MREG: variants seen among roughly 807,000 people sequenced by gnomAD.
MREG encodes the protein melanoregulin, also known as dilute suppressor protein homolog.
In MREG, 31 loss-of-function variants were observed where a neutral mutation model predicts 28.5. The ratio of observed to expected loss-of-function variants is 1.09; its 90% CI spans 0.82 to 1.47. The LOEUF (loss-of-function observed/expected upper bound fraction) is 1.47, where lower values mean the gene tolerates loss of function less well. Among genes scored for constraint, MREG ranks in the 40% most tolerant of loss-of-function variants. The pLI is 0.00. For missense variants in MREG, 256 were observed against 257.4 expected (o/e 0.99, Z 0.04); for synonymous variants, 106 against 95.2 (o/e 1.11, Z -0.66).
At chr2:215,961,448 C>T (rs1692787527) in intron 2 of MREG, among the ~76,000 whole-genome samples, 1 of 151,966 alleles carries the variant, frequency 6.6e-6, no homozygotes, top group Admixed American at 6.6e-5. Context: ...TTTTTTGAGA[C>T]AGTGTCTTGC....
In MREG at chr2:216,013,283, C is replaced by G; in HGVS notation, c.45G>C (p.Gly15=). The G allele has an allele frequency of 6.5e-7, 1 of 1,544,026 alleles. No individual in the cohort carries two copies. Among genetic ancestry groups the G allele is most frequent in the Non-Finnish European group, 8.8e-7 (1 of 1,141,862 alleles). ...DWLRTVCCCC[G]CECLEERALP... is the part of the protein sequence containing the mutation. ...GGGCGCGCTCCTCCAAGCACTCGCA[C>G]CCGCAGCAGCAGCACACGGTTCTCA... Residue 15 remains glycine, a synonymous_variant, in exon 1 of 5, where the codon GGG becomes GGC. Transcript: ENST00000263268.
chr2:215,975,980 C>T (rs1334807272), intron 2 of MREG, among the ~76,000 whole-genome samples: 3 of 151,880 alleles, frequency 2.0e-5, no homozygotes, highest in Admixed American at 6.6e-5. Flanking sequence ...CAGCTACTCG[C>T]GGGGGGCGTG....
Position 215,978,635 on chromosome 2 carries a change from T to C in MREG, c.255+17671A>G, listed in dbSNP as rs894224608. Among the ~76,000 whole-genome samples, 7 of 152,332 alleles carry C rather than the reference T, an allele frequency of 4.6e-5. No individual in the cohort carries two copies. In the East Asian group the frequency reaches 1.3e-3, roughly 29 times the overall value. On this transcript the variant is annotated intron_variant, in intron 2 of 4. Coordinates refer to ENST00000263268, the MANE Select transcript of MREG (RefSeq NM_018000.3). The stretch of plus-strand genomic sequence containing the variant: ...TGAATATCGATGCAAAAATTCTCAA[T>C]AAAATACTGGCAAACCGAATCCAGC...
Position 216,013,324 on chromosome 2 carries a change from C to T in MREG, c.4G>A (p.Gly2Arg). 1.3e-6 allele frequency: 2 copies of T among 1,532,090 alleles called. No homozygotes were observed. The highest frequency in any genetic ancestry group is 1.2e-5 in the South Asian group (1 of 82,636). 94.9% of individuals were successfully genotyped at this position (1,532,090 alleles called of 1,614,324 possible). A position where few individuals can be genotyped will look rare whatever the true frequency, so the allele number is the denominator to read the frequency against. M[G>R]LRDWLRTVCC... is the part of the protein sequence containing the mutation. ...ACGGTTCTCAGCCAGTCCCTCAGCC[C>T]CATGGAGAGCGAGGGCCCCCACCGG... The change falls in exon 1 of 5, where the codon GGG becomes AGG. Residue 2 changes from glycine (G) to arginine (R), a missense_variant. Physicochemically the swap from Gly to Arg is moderately radical, Grantham distance 125. Coordinates refer to ENST00000263268, the MANE Select transcript of MREG (RefSeq NM_018000.3).
chr2:215,939,805 A>C (rs1692174891), downstream of MREG, among the ~76,000 whole-genome samples: 1 of 152,242 alleles, frequency 6.6e-6, no homozygotes, highest in African/African-American at 2.4e-5. Context: ...TTCAAATGCT[A>C]ACTATATGTC....
At chr2:216,027,912 CAA>C (rs1694620506) in intron 1 of MREG, among the ~76,000 whole-genome samples, 1 of 152,088 alleles carries the variant, frequency 6.6e-6, no homozygotes, top group African/African-American at 2.4e-5. Flanking sequence ...AATAAATTTT[CAA>C]AGACACTAAA....
chr2:216,010,269 C>A (rs568387135), intron 1 of MREG, among the ~76,000 whole-genome samples: 2 of 152,246 alleles, frequency 1.3e-5, no homozygotes, highest in East Asian at 1.9e-4. Context: ...ATGATTCTCC[C>A]CTACACCCTT....
At chr2:216,006,924 G>A (rs767819711) in intron 1 of MREG, among the ~76,000 whole-genome samples, 5 of 152,076 alleles carry the variant, frequency 3.3e-5, no homozygotes, top group Non-Finnish European at 7.3e-5. Context: ...CTGGACCCTG[G>A]GCTATAACAA....
At chr2:216,028,711 T>G (rs1304051114) in intron 1 of MREG, among the ~76,000 whole-genome samples, 1 of 152,080 alleles carries the variant, frequency 6.6e-6, no homozygotes, top group Non-Finnish European at 1.5e-5. Context: ...CAAACATACT[T>G]GGATTTTGGG....
At chr2:215,988,532 C>G (rs34093489) in intron 2 of MREG, among the ~76,000 whole-genome samples, 12,307 of 152,178 alleles carry the variant, frequency 0.081, 530 homozygotes, top group Non-Finnish European at 0.085. Context: ...AGTGGAACAC[C>G]AGCGACACAG....
chr2:215,994,414 G>T (rs923274238), intron 2 of MREG, among the ~76,000 whole-genome samples: 2 of 151,750 alleles, frequency 1.3e-5, no homozygotes, highest in Non-Finnish European at 2.9e-5. Context: ...GCCTGTCAGG[G>T]GGTGGGGGCC....
At chr2:215,941,287 G>T (rs1692194230), downstream of MREG, among the ~76,000 whole-genome samples, 1 of 152,190 alleles carries the variant, frequency 6.6e-6, no homozygotes, top group Admixed American at 6.5e-5. Flanking sequence ...GTCTAAGTAG[G>T]GGGATGATTA....
Position 216,001,499 on chromosome 2 carries a change from T to C in MREG, c.96-5034A>G, listed in dbSNP as rs544298556. ...CAGCAGGATCTGACCTGCTCGTGGC[T>C]ACGAAGCAGCCTCCTCCACTCTGCC... On this transcript the variant is annotated intron_variant, in intron 1 of 4. Transcript: ENST00000263268. 9.8e-5 allele frequency among the ~76,000 whole-genome samples: 15 copies of C among 152,346 alleles called. No individual in the cohort carries two copies. In the East Asian group the frequency reaches 2.9e-3, roughly 29 times the overall value.
At chr2:215,980,685 T>C (rs1180087834) in intron 2 of MREG, among the ~76,000 whole-genome samples, 1 of 152,120 alleles carries the variant, frequency 6.6e-6, no homozygotes, top group Admixed American at 6.5e-5. Flanking sequence ...ATCCCAGCAC[T>C]TGGGGAGGCC....
At chr2:215,952,057 T>C (rs1187285483) in intron 2 of MREG, among the ~76,000 whole-genome samples, 4 of 152,202 alleles carry the variant, frequency 2.6e-5, no homozygotes, top group Non-Finnish European at 5.9e-5. Context: ...CTCAACACAA[T>C]GACCTCTAGG....
chr2:216,001,967 G>T (rs1694024309), intron 1 of MREG, among the ~76,000 whole-genome samples: 1 of 152,176 alleles, frequency 6.6e-6, no homozygotes, highest in Non-Finnish European at 1.5e-5. Flanking sequence ...GGGGGTCTGG[G>T]CCTGAAAACC....
upstream of MREG, among the ~76,000 whole-genome samples, chr2:216,015,123 G>GCATGTGCGCGCA (rs1553556728): frequency 2.0e-5 from 3 of 147,520 alleles, no homozygotes; most frequent in Non-Finnish European, 1.5e-5. Flanking sequence ...GTGCACGCGT[G>GCATGTGCGCGCA]TGTGTGCGCG....
chr2:215,993,926 A>AG (rs1234836012), intron 2 of MREG, among the ~76,000 whole-genome samples: 2 of 152,204 alleles, frequency 1.3e-5, no homozygotes, highest in Admixed American at 1.3e-4. Context: ...GATGCTGGAG[A>AG]GATGTGGAGA....
intron 2 of MREG, among the ~76,000 whole-genome samples, chr2:215,954,009 T>C (rs1045301742): frequency 9.2e-5 from 14 of 152,214 alleles, no homozygotes; most frequent in African/African-American, 3.4e-4. Flanking sequence ...GTCCCAGAAG[T>C]GTCTTAGGCA....
Sources: allele counts gnomAD v4.1 joint callset (sites outside exome capture counted in the v4.1 genomes callset), GRCh38; gene constraint gnomAD v4.1.1; transcripts MANE v1.5; gene names NCBI Gene and HGNC (gene_info 2026-07-23, HGNC 2026-07-21).